RAD18: variants seen among roughly 807,000 people sequenced by gnomAD.
The protein encoded by RAD18 is RAD18 E3 ubiquitin protein ligase, also known as E3 ubiquitin-protein ligase RAD18.
A neutral mutation model predicts 60.4 loss-of-function variants in RAD18; 47 were observed. That is an observed-to-expected ratio of 0.78 (90% CI 0.62 to 0.99). The LOEUF (loss-of-function observed/expected upper bound fraction) is 0.99. Ranked by LOEUF, RAD18 falls within the 50% of genes least tolerant of loss-of-function variation. RAD18 has a pLI of 0.00. For synonymous variants in RAD18, 225 were observed against 195.5 expected (o/e 1.15, Z -1.26); for missense variants, 640 against 593.3 (o/e 1.08, Z -0.82).
chr3:8,928,288 T>C (rs1251760000), intron 7 of RAD18, among the ~76,000 whole-genome samples: 1 of 151,960 alleles, frequency 6.6e-6, no homozygotes, highest in African/African-American at 2.4e-5. Context: ...AAAAGAATGA[T>C]AGAACAGCAA....
At chr3:8,899,572 G>T (rs1412076831) in intron 10 of RAD18, among the ~76,000 whole-genome samples, 1 of 152,130 alleles carries the variant, frequency 6.6e-6, no homozygotes, top group Admixed American at 6.5e-5. Flanking sequence ...ATTTCCATTT[G>T]ATCCAATACA....
intron 8 of RAD18, 38 bp downstream of exon 8, chr3:8,913,606 C>T (rs1451859589): frequency 1.2e-5 from 16 of 1,383,652 alleles, no homozygotes; most frequent in Non-Finnish European, 1.6e-5. Flanking sequence ...AAACTTTCTT[C>T]ATTTCTATCC....
At chr3:8,922,044 A>G (rs1218888124) in intron 7 of RAD18, among the ~76,000 whole-genome samples, 1 of 152,198 alleles carries the variant, frequency 6.6e-6, no homozygotes, top group Non-Finnish European at 1.5e-5. Flanking sequence ...TGCATTTCCA[A>G]CTGAGGTACC....
chr3:8,887,763 G>A (rs1939594821), intron 12 of RAD18, among the ~76,000 whole-genome samples: 2 of 152,118 alleles, frequency 1.3e-5, no homozygotes, highest in African/African-American at 4.8e-5. Context: ...AATTGTGTGG[G>A]TGTGTTTCCT....
At chr3:8,941,435 C>T (rs1205715858) in intron 5 of RAD18, 32 bp downstream of exon 5, 6 of 1,490,870 alleles carry the variant, frequency 4.0e-6, no homozygotes, top group Non-Finnish European at 4.6e-6. Flanking sequence ...GAAAAGATGT[C>T]CATATTTCCA....
chr3:8,946,195 T>G (rs1355522127), intron 4 of RAD18, among the ~76,000 whole-genome samples: 1 of 152,232 alleles, frequency 6.6e-6, no homozygotes, highest in Non-Finnish European at 1.5e-5. Flanking sequence ...ATATTTTCCC[T>G]GTACTTTTTC....
rs1004989450 is a variant in RAD18, at chr3:8,879,143, G to A, written c.*2214C>T. On this transcript the variant is annotated 3_prime_UTR_variant, in exon 13 of 13. Transcript: ENST00000264926. The stretch of plus-strand genomic sequence containing the variant: ...TTACATTACAGGTTTCTCAGTCTTG[G>A]CACAACTGACATGTTAGACTGGATA... The A allele has an allele frequency of 1.3e-5, 2 of 152,104 alleles. No homozygotes were observed. Among genetic ancestry groups the A allele is most frequent in the African/African-American group, 4.8e-5 (2 of 41,392 alleles). 9.4% of individuals were successfully genotyped at this position (152,104 alleles called of 1,614,324 possible). A position where few individuals can be genotyped will look rare whatever the true frequency, so the allele number is the denominator to read the frequency against.
chr3:8,915,492 CT>C, intron 7 of RAD18, among the ~76,000 whole-genome samples: 1 of 152,004 alleles, frequency 6.6e-6, no homozygotes, highest in East Asian at 1.9e-4. Flanking sequence ...TTTTGATGAA[CT>C]GCAAAAGACC....
chr3:8,935,922 C>T lies in RAD18; in HGVS notation c.838G>A (p.Glu280Lys), dbSNP rs780647768. 16 of 1,611,674 alleles carry T rather than the reference C, an allele frequency of 9.9e-6. No individual in the cohort carries two copies. The highest frequency in any genetic ancestry group is 3.4e-6 in the Non-Finnish European group (4 of 1,178,816). ...NKQQLIKRHQ[E>K]FVHMYNAQCD... Reference sequence around the variant, plus strand: ...TGGGCATTGTACATGTGTACAAATTCTTGGTGCCTTTTAATGAGCTGTTGT... The same window carrying T: ...TGGGCATTGTACATGTGTACAAATTTTTGGTGCCTTTTAATGAGCTGTTGT... The change falls in exon 7 of 13, where the codon GAA becomes AAA. Residue 280 changes from glutamate (E) to lysine (K), a missense_variant. Transcript: ENST00000264926.
At chr3:8,921,050 G>A (rs1940310432) in intron 7 of RAD18, among the ~76,000 whole-genome samples, 1 of 152,026 alleles carries the variant, frequency 6.6e-6, no homozygotes, top group African/African-American at 2.4e-5. Context: ...AGGGGTAAAG[G>A]GTAAACACTA....
intron 7 of RAD18, among the ~76,000 whole-genome samples, chr3:8,927,825 C>A (rs138160049): frequency 0.016 from 2,418 of 152,008 alleles, 64 homozygotes; most frequent in African/African-American, 0.056. Flanking sequence ...AAGCCAAACA[C>A]CGCATGTTCT....
intron 11 of RAD18, among the ~76,000 whole-genome samples, chr3:8,898,339 A>T (rs2125049780): frequency 6.6e-6 from 1 of 152,030 alleles, no homozygotes; most frequent in East Asian, 1.9e-4. Context: ...ACATAACATT[A>T]AGTGAAAGAC....
At chr3:8,946,792 A>G (rs995494091) in intron 4 of RAD18, among the ~76,000 whole-genome samples, 5 of 152,170 alleles carry the variant, frequency 3.3e-5, no homozygotes, top group African/African-American at 1.2e-4. Flanking sequence ...TATAACATAC[A>G]TATATTACTT....
At chr3:8,957,348 T>C (rs548950702) in intron 2 of RAD18, among the ~76,000 whole-genome samples, 1 of 152,204 alleles carries the variant, frequency 6.6e-6, no homozygotes, top group South Asian at 2.1e-4. Flanking sequence ...GAAATGCATT[T>C]AAAATGCAAC....
At chr3:8,907,583 A>G (rs1206218840) in intron 9 of RAD18, among the ~76,000 whole-genome samples, 1 of 152,110 alleles carries the variant, frequency 6.6e-6, no homozygotes, top group Non-Finnish European at 1.5e-5. Context: ...AGAGCAACAC[A>G]AGCGGCTGAT....
chr3:8,958,638 A>C (rs1941048649), intron 2 of RAD18, among the ~76,000 whole-genome samples: 1 of 152,204 alleles, frequency 6.6e-6, no homozygotes, highest in Non-Finnish European at 1.5e-5. Flanking sequence ...GTCAAAAAAC[A>C]CTTGGCAAAT....
intron 10 of RAD18, among the ~76,000 whole-genome samples, chr3:8,901,746 T>C (rs1237338736): frequency 6.6e-6 from 1 of 152,348 alleles, no homozygotes; most frequent in African/African-American, 2.4e-5. Flanking sequence ...CACAATATTG[T>C]GAATGTACTT....
chr3:8,958,872 CA>C (rs1941052969), intron 2 of RAD18, 47 bp downstream of exon 2: 1 of 1,386,998 alleles, frequency 7.2e-7, no homozygotes, highest in Non-Finnish European at 1.0e-6. Flanking sequence ...AACACTACCT[CA>C]TGTAAAAATC....
chr3:8,909,488 GAAC>G (rs1291326444), intron 9 of RAD18, among the ~76,000 whole-genome samples: 3 of 148,886 alleles, frequency 2.0e-5, no homozygotes, highest in Non-Finnish European at 4.4e-5. Flanking sequence ...GAGACTGACA[GAAC>G]TTGGTGGTGA....
Sources: gnomAD v4.1 joint callset for allele counts (sites outside exome capture counted in the v4.1 genomes callset) on GRCh38, gnomAD v4.1.1 for gene constraint, MANE v1.5 for transcripts, NCBI Gene and HGNC (gene_info 2026-07-23, HGNC 2026-07-21) for gene names.